The following ADK variants were observed in gnomAD, a reference collection of about 807,000 sequenced individuals.
ADK encodes adenosine kinase.
In ADK, 24 loss-of-function variants were observed where a neutral mutation model predicts 44.7. The ratio of observed to expected loss-of-function variants is 0.54; its 90% CI spans 0.39 to 0.76. The LOEUF (loss-of-function observed/expected upper bound fraction) is 0.76. ADK is among the 30% of genes least tolerant of loss of function. ADK has a pLI of 0.00. For missense variants in ADK, 321 were observed against 425.1 expected (o/e 0.76, Z 2.15); for synonymous variants, 128 against 142.6 (o/e 0.90, Z 0.73).
chr10:74,182,937 G>A (rs1269938620), intron 1 of ADK, among the ~76,000 whole-genome samples: 2 of 151,824 alleles, frequency 1.3e-5, no homozygotes, highest in African/African-American at 4.8e-5. Context: ...ATTTTTTGAG[G>A]CACGGTCTTG....
At chr10:74,676,683 T>G (rs1233583300) in intron 10 of ADK, among the ~76,000 whole-genome samples, 1 of 152,078 alleles carries the variant, frequency 6.6e-6, no homozygotes, top group African/African-American at 2.4e-5. Context: ...GGTCTTAAAC[T>G]CTTGGCCTCA....
intron 3 of ADK, among the ~76,000 whole-genome samples, chr10:74,290,436 G>T (rs1023754173): frequency 2.0e-5 from 3 of 152,006 alleles, no homozygotes; most frequent in African/African-American, 7.2e-5. Flanking sequence ...TTTCTCTAAA[G>T]GGTAATCTCA....
chr10:74,473,944 T>G (rs558896480), intron 6 of ADK, among the ~76,000 whole-genome samples: 13 of 152,160 alleles, frequency 8.5e-5, no homozygotes, highest in Non-Finnish European at 1.8e-4. Context: ...TATGCAAATA[T>G]TCTAGTTTTT....
intron 7 of ADK, among the ~76,000 whole-genome samples, chr10:74,584,253 T>C (rs891566515): frequency 1.3e-5 from 2 of 152,204 alleles, no homozygotes; most frequent in Non-Finnish European, 2.9e-5. Flanking sequence ...AACAAGAACT[T>C]GAATTCAATA....
chr10:74,296,672 C>T (rs1485286663), intron 3 of ADK, among the ~76,000 whole-genome samples: 1 of 149,062 alleles, frequency 6.7e-6, no homozygotes, highest in African/African-American at 2.5e-5. Flanking sequence ...AGTGCAGTGG[C>T]GCCATCTTGG....
rs544163589 is a variant in ADK, at chr10:74,250,087, A to T, written c.194+25496A>T. 2.0e-5 allele frequency among the ~76,000 whole-genome samples: 3 copies of T among 152,306 alleles called. No individual in the cohort carries two copies. The East Asian group carries it at 5.8e-4, about 29-fold the overall frequency. On this transcript the variant is annotated intron_variant, in intron 3 of 10. Coordinates refer to ENST00000539909, the MANE Select transcript of ADK (RefSeq NM_006721.4). ...CCAGTTGTTACTGAATGCTTACTCT[A>T]TGTACTAGAAATGCAGAGATGAGTA... is the stretch of plus-strand genomic sequence containing the variant.
At chr10:74,661,312 A>G (rs1854717327) in intron 9 of ADK, 1 of 969,888 alleles carries the variant, frequency 1.0e-6, no homozygotes, top group Middle Eastern at 5.3e-4. Flanking sequence ...CATTACTTGA[A>G]TGACAACTTT....
At chr10:74,538,255 C>CAAACAAAA (rs1849520359) in intron 7 of ADK, among the ~76,000 whole-genome samples, 1 of 85,258 alleles carries the variant, frequency 1.2e-5, no homozygotes. Context: ...CTCCGTCTCA[C>CAAACAAAA]AAAAAAAAAA....
At chr10:74,476,186 A>T (rs901602731) in intron 6 of ADK, among the ~76,000 whole-genome samples, 5 of 152,156 alleles carry the variant, frequency 3.3e-5, no homozygotes, top group Admixed American at 1.3e-4. Flanking sequence ...AACCTAGTAT[A>T]CATATAAAGT....
intron 7 of ADK, among the ~76,000 whole-genome samples, chr10:74,541,071 G>A (rs888249253): frequency 2.6e-5 from 4 of 152,040 alleles, no homozygotes; most frequent in African/African-American, 9.7e-5. Context: ...CTGGAGTGCA[G>A]TGGCATCATC....
chr10:74,370,531 G>T (rs1268952094), intron 4 of ADK, among the ~76,000 whole-genome samples: 1 of 151,972 alleles, frequency 6.6e-6, no homozygotes, highest in Non-Finnish European at 1.5e-5. Flanking sequence ...AAATACATTT[G>T]ACTACTAACT....
chr10:74,298,326 G>A (rs763995117), intron 3 of ADK, among the ~76,000 whole-genome samples: 3 of 152,154 alleles, frequency 2.0e-5, no homozygotes, highest in Non-Finnish European at 4.4e-5. Flanking sequence ...CCATTTGTTA[G>A]CAAAGCAAGG....
At chr10:74,193,008 T>C (rs958707160) in intron 1 of ADK, among the ~76,000 whole-genome samples, 10 of 152,228 alleles carry the variant, frequency 6.6e-5, no homozygotes, top group Non-Finnish European at 1.3e-4. Context: ...CCTATTTCTT[T>C]TGTTTCTAAG....
chr10:74,398,046 G>T (rs1843580081), intron 5 of ADK, among the ~76,000 whole-genome samples: 1 of 152,006 alleles, frequency 6.6e-6, no homozygotes, highest in Admixed American at 6.6e-5. Flanking sequence ...GCTTTTAAAG[G>T]CTTCGATTAA....
chr10:74,465,496 T>C (rs1039856323), intron 6 of ADK, among the ~76,000 whole-genome samples: 1 of 152,174 alleles, frequency 6.6e-6, no homozygotes, highest in Non-Finnish European at 1.5e-5. Flanking sequence ...ACATGACTTA[T>C]ATTTTAGTAG....
At chr10:74,661,839 A>G (rs189269495) in intron 9 of ADK, among the ~76,000 whole-genome samples, 54 of 152,320 alleles carry the variant, frequency 3.5e-4, no homozygotes, top group Admixed American at 2.2e-3. Context: ...ATATTTCACA[A>G]ATTCTTTGAT....
chr10:74,262,067 C>G (rs1846057126), intron 3 of ADK, among the ~76,000 whole-genome samples: 1 of 152,026 alleles, frequency 6.6e-6, no homozygotes, highest in African/African-American at 2.4e-5. Context: ...ACCTGTAATC[C>G]CAGTGCTTTG....
chr10:74,249,581 A>G lies in ADK; in HGVS notation c.194+24990A>G, dbSNP rs185644773. Among the ~76,000 whole-genome samples, 5 of 152,242 alleles carry G rather than the reference A, an allele frequency of 3.3e-5. No individual in the cohort carries two copies. The East Asian group carries it at 5.8e-4, about 18-fold the overall frequency. On this transcript the variant is annotated intron_variant, in intron 3 of 10. Transcript: ENST00000539909. Reference sequence around the variant, plus strand: ...CCTGACATAGGTCTTACAAAGTTCAATTACTATAGGGCTTAAGTAGGAAAT... The same window carrying G: ...CCTGACATAGGTCTTACAAAGTTCAGTTACTATAGGGCTTAAGTAGGAAAT...
chr10:74,382,938 G>C (rs2132010876), intron 4 of ADK, among the ~76,000 whole-genome samples: 1 of 151,880 alleles, frequency 6.6e-6, no homozygotes, highest in African/African-American at 2.4e-5. Flanking sequence ...ACAATTTCAG[G>C]ATGTTTATTG....
Sources: gnomAD v4.1 joint callset for allele counts (sites outside exome capture counted in the v4.1 genomes callset) on GRCh38, gnomAD v4.1.1 for gene constraint, MANE v1.5 for transcripts, NCBI Gene and HGNC (gene_info 2026-07-23, HGNC 2026-07-21) for gene names.